Variants in RNF2 observed in about 807,000 individuals in gnomAD.
RNF2 encodes ring finger protein 2.
A neutral mutation model predicts 37.2 loss-of-function variants in RNF2; 6 were observed. The observed-to-expected ratio is 0.16, with a 90% CI of 0.09 to 0.32. RNF2 has a LOEUF of 0.32. RNF2 is among the 10% of genes least tolerant of loss of function. The probability of loss-of-function intolerance (pLI) is 1.00; values close to 1 mark genes in which losing one functional copy is unlikely to be tolerated. For synonymous variants in RNF2, 133 were observed against 132.7 expected, an observed-to-expected ratio of 1.00 and a Z score of -0.02; for missense variants, 251 against 404.0, an observed-to-expected ratio of 0.62 and a Z score of 3.25.
intron 1 of RNF2, among the ~76,000 whole-genome samples, chr1:185,081,444 A>G (rs1298668446): frequency 6.6e-6 from 1 of 150,570 alleles, no homozygotes; most frequent in Non-Finnish European, 1.5e-5. Context: ...CCCAGGCTGG[A>G]GTACAGTGGT....
chr1:185,046,510 G>A (rs1032514665), intron 1 of RNF2, among the ~76,000 whole-genome samples: 2 of 152,064 alleles, frequency 1.3e-5, no homozygotes, highest in South Asian at 2.1e-4. Flanking sequence ...CAAACTTTGA[G>A]GTTCATTCCA....
intron 4 of RNF2, among the ~76,000 whole-genome samples, chr1:185,097,584 A>C (rs888025975): frequency 6.6e-5 from 10 of 152,278 alleles, no homozygotes; most frequent in African/African-American, 1.2e-4. Flanking sequence ...CCCAGGCCAG[A>C]GTACAGTGGA....
Position 185,091,569 on chromosome 1 carries a change from T to A in RNF2, c.88-10T>A, listed in dbSNP as rs1344597316. 1.2e-6 allele frequency: 2 copies of A among 1,610,200 alleles called. No individual in the cohort carries two copies. Among genetic ancestry groups the A allele is most frequent in the Admixed American group, 3.4e-5 (2 of 59,158 alleles). On this transcript the variant is annotated splice_polypyrimidine_tract_variant and intron_variant, in intron 2 of 6. Transcript: ENST00000367510. The stretch of plus-strand genomic sequence containing the variant: ...AAGTAGCTTTTAATTTTAAAGTGAC[T>A]CTTTTACAGGAGGCAATAACAGATG...
At chr1:185,087,752 C>A in intron 2 of RNF2, 112 bp downstream of exon 2, 1 of 766,978 alleles carries the variant, frequency 1.3e-6, no homozygotes, top group Non-Finnish European at 2.2e-6. Context: ...TATATTCAAG[C>A]ATTCCTGACT....
At chr1:185,076,570 G>GC (rs1249984519) in intron 1 of RNF2, among the ~76,000 whole-genome samples, 1 of 150,356 alleles carries the variant, frequency 6.7e-6, no homozygotes, top group Non-Finnish European at 1.5e-5. Flanking sequence ...ACAGGGGTGA[G>GC]CCACTGCGCC....
At chr1:185,098,784 G>C (rs1240409509) in intron 5 of RNF2, among the ~76,000 whole-genome samples, 4 of 150,508 alleles carry the variant, frequency 2.7e-5, no homozygotes, top group Admixed American at 1.3e-4. Context: ...ATGGAGCCTT[G>C]CTCTGTCGCC....
chr1:185,092,632 G>A (rs1463010856), intron 3 of RNF2, among the ~76,000 whole-genome samples: 3 of 151,784 alleles, frequency 2.0e-5, no homozygotes, highest in East Asian at 3.9e-4. Context: ...ATAAAACCAC[G>A]ATTTTTCCAC....
At chr1:185,048,698 C>T (rs1650184362) in intron 1 of RNF2, among the ~76,000 whole-genome samples, 1 of 151,666 alleles carries the variant, frequency 6.6e-6, no homozygotes, top group South Asian at 2.1e-4. Flanking sequence ...TGTTTCTATG[C>T]TATAGAGTGG....
At chr1:185,089,702 C>G (rs577032061) in intron 2 of RNF2, among the ~76,000 whole-genome samples, 1 of 152,094 alleles carries the variant, frequency 6.6e-6, no homozygotes, top group African/African-American at 2.4e-5. Flanking sequence ...AACTGGAGAC[C>G]AATGTGAAAT....
At chr1:185,046,228 C>T (rs1478777155) in intron 1 of RNF2, 1 of 152,288 alleles carries the variant, frequency 6.6e-6, no homozygotes, top group Non-Finnish European at 1.5e-5. Context: ...GGGGAGACCC[C>T]TTCAGCTTCA....
chr1:185,092,013 C>T (rs12563135), intron 3 of RNF2: 77,727 of 255,998 alleles, frequency 0.3, 12,996 homozygotes, highest in African/African-American at 0.43. Context: ...TTAGTAGAGA[C>T]GGGGTTTCAA....
chr1:185,064,177 C>T (rs1030505139), intron 1 of RNF2, among the ~76,000 whole-genome samples: 3 of 152,126 alleles, frequency 2.0e-5, no homozygotes, highest in African/African-American at 7.2e-5. Flanking sequence ...TATTCTAGCC[C>T]TAAATAAATT....
intron 4 of RNF2, among the ~76,000 whole-genome samples, chr1:185,095,230 G>C (rs1271617006): frequency 6.6e-6 from 1 of 152,198 alleles, no homozygotes; most frequent in Non-Finnish European, 1.5e-5. Flanking sequence ...GACTCTCCTT[G>C]TAAATATTCT....
chr1:185,091,504 A>G, intron 2 of RNF2, 75 bp from the exon 3 acceptor site: 1 of 1,422,832 alleles, frequency 7.0e-7, no homozygotes, highest in Non-Finnish European at 9.7e-7. Flanking sequence ...TACCATTTCC[A>G]GTACTTTTAT....
Position 185,081,486 on chromosome 1 carries a change from T to C in RNF2, c.-2-6066T>C, listed in dbSNP as rs555423777. ...TTGGCTCACTGCAACGTCTGCCTCC[T>C]GGGTTCAAGTGATTATCCTGCCTCA... On this transcript the variant is annotated intron_variant, in intron 1 of 6. Coordinates refer to ENST00000367510, the MANE Select transcript of RNF2 (RefSeq NM_007212.4). 1.5e-3 allele frequency among the ~76,000 whole-genome samples: 223 copies of C among 148,738 alleles called. 1 individual carries two copies. Among genetic ancestry groups the C allele is most frequent in the Non-Finnish European group, 1.6e-3 (105 of 67,642 alleles).
chr1:185,099,046 G>A (rs984949395), intron 5 of RNF2, among the ~76,000 whole-genome samples: 1 of 147,388 alleles, frequency 6.8e-6, no homozygotes, highest in East Asian at 2.0e-4. Context: ...CACTGTGCCC[G>A]GCCTCTTTTT....
chr1:185,101,245 A>G lies in RNF2; in HGVS notation c.*944A>G, dbSNP rs1228282585. ...CTTATTTGTAGCCACATAAGTTTCAAGAATAACATGGCACACAGAACAATG... is the reference window on the plus strand; with the variant it reads ...CTTATTTGTAGCCACATAAGTTTCAGGAATAACATGGCACACAGAACAATG... On this transcript the variant is annotated 3_prime_UTR_variant, in exon 7 of 7. Transcript: ENST00000367510. 6.6e-6 allele frequency: 1 copy of G among 152,586 alleles called. No individual in the cohort carries two copies. The highest frequency in any genetic ancestry group is 1.5e-5 in the Non-Finnish European group (1 of 67,970). 9.5% of individuals were successfully genotyped at this position (152,586 alleles called of 1,614,324 possible). A position where few individuals can be genotyped will look rare whatever the true frequency, so the allele number is the denominator to read the frequency against.
rs1650647975 is a variant in RNF2, at chr1:185,062,757, A to C, written c.-3+17108A>C. ...TTCCTTAAAAGAAGGAGTTCTTACA[A>C]GTTAACTTAAAAAAAAAACCTGACA... On this transcript the variant is annotated intron_variant, in intron 1 of 6. Transcript: ENST00000367510. Among the ~76,000 whole-genome samples, 3 of 151,934 alleles carry C rather than the reference A, an allele frequency of 2.0e-5. No homozygotes were observed. In the South Asian group the frequency reaches 6.2e-4, roughly 32 times the overall value.
Position 185,073,091 on chromosome 1 carries a change from T to G in RNF2, c.-2-14461T>G, listed in dbSNP as rs78228441. Reference sequence around the variant, plus strand: ...TTTTTTTTTTACTTAATGTGTGTTGTATACATATATTGAGTTCTGTGTCAG... The same window carrying G: ...TTTTTTTTTTACTTAATGTGTGTTGGATACATATATTGAGTTCTGTGTCAG... On this transcript the variant is annotated intron_variant, in intron 1 of 6. Transcript: ENST00000367510. Among the ~76,000 whole-genome samples, 821 of 151,604 alleles carry G rather than the reference T, an allele frequency of 5.4e-3. 33 individuals carry two copies. In the East Asian group the frequency reaches 0.085, roughly 16 times the overall value.
Sources: gnomAD v4.1 joint callset for allele counts (sites outside exome capture counted in the v4.1 genomes callset) on GRCh38, gnomAD v4.1.1 for gene constraint, MANE v1.5 for transcripts, NCBI Gene and HGNC (gene_info 2026-07-23, HGNC 2026-07-21) for gene names.